Variants in BRD8 observed in about 807,000 individuals in gnomAD.
The protein encoded by BRD8 is bromodomain containing 8.
Under a neutral mutation model 143.1 loss-of-function variants are expected in BRD8, and 67 were observed. The observed-to-expected ratio is 0.47, with a 90% CI of 0.38 to 0.57. BRD8 has a LOEUF of 0.57. BRD8 is among the 20% of genes least tolerant of loss of function. The pLI is 0.00. For missense variants in BRD8, 1,103 were observed against 1,503.0 expected, an observed-to-expected ratio of 0.73 and a Z score of 4.40; for synonymous variants, 505 against 517.1, an observed-to-expected ratio of 0.98 and a Z score of 0.32.
intron 2 of BRD8, among the ~76,000 whole-genome samples, chr5:138,174,304 G>A (rs771732700): frequency 6.6e-6 from 1 of 152,002 alleles, no homozygotes; most frequent in Non-Finnish European, 1.5e-5. Flanking sequence ...TGCTCTAAAT[G>A]TGTGCACTGG....
At chr5:138,166,417 C>G (rs1753425435) in intron 10 of BRD8, 101 bp downstream of exon 10, 2 of 711,388 alleles carry the variant, frequency 2.8e-6, no homozygotes, top group Non-Finnish European at 2.3e-6. Context: ...CTATGTAGAA[C>G]AGAGAAGAAG....
chr5:138,170,228 G>T, intron 7 of BRD8, 117 bp downstream of exon 7: 2 of 773,792 alleles, frequency 2.6e-6, no homozygotes, highest in Non-Finnish European at 2.2e-6. Context: ...TCTGGTAGAA[G>T]AGAAAACTGC....
chr5:138,175,835 G>A (rs1285334523), intron 2 of BRD8, among the ~76,000 whole-genome samples: 5 of 142,030 alleles, frequency 3.5e-5, no homozygotes, highest in Admixed American at 7.4e-5. Flanking sequence ...GATCACTTGA[G>A]CCCAGGAGGC....
chr5:138,156,825 TACACACACACACACACACACACAC>T (rs67288912), intron 20 of BRD8: 31 of 803,172 alleles, frequency 3.9e-5, no homozygotes, highest in Middle Eastern at 1.3e-3. Context: ...AAGTTTCAAA[TACACACACACACACACACACACAC>T]ACACACACAC....
intron 19 of BRD8, 41 bp downstream of exon 19, chr5:138,160,028 A>T (rs371622677): frequency 6.7e-7 from 1 of 1,487,868 alleles, no homozygotes. Context: ...GACTTCTACT[A>T]CTGGAACACT....
At chr5:138,170,712 C>A in intron 6 of BRD8, 120 bp downstream of exon 6, 1 of 968,026 alleles carries the variant, frequency 1.0e-6, no homozygotes, top group Non-Finnish European at 1.6e-6. Context: ...TGCAGCTTTC[C>A]CCTTCCAGAA....
chr5:138,165,301 G>T, intron 11 of BRD8, 135 bp from the exon 12 acceptor site: 1 of 918,334 alleles, frequency 1.1e-6, no homozygotes, highest in Non-Finnish European at 1.6e-6. Flanking sequence ...GGCAAACAAT[G>T]AAGAGGCACC....
chr5:138,161,729 A>G (rs1753013689), intron 17 of BRD8, 67 bp downstream of exon 17: 2 of 1,530,062 alleles, frequency 1.3e-6, no homozygotes, highest in South Asian at 1.2e-5. Context: ...ATCGAAAGCA[A>G]AACTTCACTA....
intron 15 of BRD8, 136 bp downstream of exon 15, chr5:138,162,994 A>G (rs1753114747): frequency 1.2e-6 from 1 of 817,718 alleles, no homozygotes; most frequent in Admixed American, 2.8e-5. Context: ...GAGAACAAGA[A>G]AAAAGAGAAG....
chr5:138,166,435 A>T, intron 10 of BRD8, 83 bp downstream of exon 10: 1 of 797,626 alleles, frequency 1.3e-6, no homozygotes, highest in Non-Finnish European at 2.0e-6. Flanking sequence ...AAGCATCTGA[A>T]TCGGAGCTGA....
At chr5:138,144,413 C>T (rs1415827182) in intron 25 of BRD8, among the ~76,000 whole-genome samples, 1 of 152,164 alleles carries the variant, frequency 6.6e-6, no homozygotes, top group Non-Finnish European at 1.5e-5. Context: ...TTCCTGAAGT[C>T]AGCGAGACCA....
intron 21 of BRD8, among the ~76,000 whole-genome samples, chr5:138,151,762 C>T (rs1296248665): frequency 6.6e-6 from 1 of 152,250 alleles, no homozygotes; most frequent in East Asian, 1.9e-4. Context: ...CTCCCGGGTT[C>T]AAGCGATTCT....
Position 138,150,783 on chromosome 5 carries a change from T to A in BRD8, c.3082A>T (p.Ile1028Phe). 6.2e-7 allele frequency: 1 copy of A among 1,614,116 alleles called. No homozygotes were observed. Among genetic ancestry groups the A allele is most frequent in the Non-Finnish European group, 8.5e-7 (1 of 1,180,014 alleles). The change falls in exon 22 of 27, where the codon ATT (isoleucine) becomes TTT (phenylalanine). Residue 1028 changes from isoleucine to phenylalanine, a missense_variant. Ile to Phe is a conservative substitution (Grantham distance 21). Coordinates refer to ENST00000254900, the MANE Select transcript of BRD8 (RefSeq NM_139199.2). ...KPEVASAPSV[I>F]CTVQGLLTES... The stretch of plus-strand genomic sequence containing the variant: ...GTGAGTAGTCCCTGAACTGTACAAA[T>A]AACTGAGGGAGCTGAAGCCACCTCT...
chr5:138,168,356 G>T (rs1753609076), intron 8 of BRD8: 4 of 791,918 alleles, frequency 5.1e-6, no homozygotes, highest in Non-Finnish European at 6.4e-6. Flanking sequence ...ATTTAATTAG[G>T]AGATCTTTTC....
chr5:138,170,360 C>G lies in BRD8; in HGVS notation c.490G>C (p.Asp164His), dbSNP rs776477342. The G allele has an allele frequency of 2.9e-5, 47 of 1,613,288 alleles. No individual in the cohort carries two copies. Among genetic ancestry groups the G allele is most frequent in the Non-Finnish European group, 3.9e-5 (46 of 1,179,192 alleles). ...TTCAGCTTACCCTGGTATGCAGCAT[C>G]TGTAGCCTTCCTCTTTACTTCAGCC... The part of the protein sequence containing the change: ...EEAEVKRKAT[D>H]AAYQARQAVK... The change falls in exon 7 of 27, where the codon GAT (aspartate) becomes CAT (histidine). Residue 164 changes from aspartate (D) to histidine (H), a missense_variant. Physicochemically the swap from Asp to His is moderately conservative, Grantham distance 81 (BLOSUM62 -1). Transcript: ENST00000254900.
At chr5:138,159,985 C>T (rs1218138810) in intron 19 of BRD8, 84 bp downstream of exon 19, 1 of 969,384 alleles carries the variant, frequency 1.0e-6, no homozygotes, top group East Asian at 2.4e-5. Context: ...AGCCCAATAC[C>T]AAGTAGTAAC....
chr5:138,175,784 T>C (rs1754272910), intron 2 of BRD8, among the ~76,000 whole-genome samples: 1 of 149,960 alleles, frequency 6.7e-6, no homozygotes, highest in Non-Finnish European at 1.5e-5. Context: ...GGTGATGGCA[T>C]GTGCCTGTAG....
Position 138,163,343 on chromosome 5 carries a change from T to C in BRD8, c.1874A>G (p.Asp625Gly). 6.2e-7 allele frequency: 1 copy of C among 1,613,956 alleles called. No individual in the cohort carries two copies. Among genetic ancestry groups the C allele is most frequent in the Non-Finnish European group, 8.5e-7 (1 of 1,179,920 alleles). The change falls in exon 15 of 27, where the codon GAT (aspartate) becomes GGT (glycine). Residue 625 changes from aspartate (D) to glycine (G), a missense_variant and splice_region_variant. This residue lies in a region of BRD8 where 75 missense variants were observed against 111.7 expected (regional missense o/e 0.67). Coordinates refer to ENST00000254900, the MANE Select transcript of BRD8 (RefSeq NM_139199.2). ...TTCCTCCTCATCCTCACCTGGGGCATCCTTAGATACAGTATGCTCCAGTTA... is the reference window on the plus strand; with the variant it reads ...TTCCTCCTCATCCTCACCTGGGGCACCCTTAGATACAGTATGCTCCAGTTA... ...SGTIFGSQIK[D>G]APGEDEEEDG...
At chr5:138,144,003 C>T (rs961260034) in intron 25 of BRD8, among the ~76,000 whole-genome samples, 2 of 152,226 alleles carry the variant, frequency 1.3e-5, no homozygotes, top group Non-Finnish European at 2.9e-5. Context: ...CTTGCTGCTC[C>T]TCACTCTTTG....
Sources: allele counts gnomAD v4.1 joint callset (sites outside exome capture counted in the v4.1 genomes callset), GRCh38; gene constraint gnomAD v4.1.1; regional missense constraint gnomAD v4.1.1; transcripts MANE v1.5; gene names NCBI Gene and HGNC (gene_info 2026-07-23, HGNC 2026-07-21).